RWDD1: variants seen among roughly 807,000 people sequenced by gnomAD.
The protein encoded by RWDD1 is RWD domain-containing protein 1.
RWDD1 carries 17 observed loss-of-function variants against 31.6 expected under a neutral mutation model. The observed-to-expected ratio is 0.54, with a 90% CI of 0.37 to 0.81. The LOEUF (loss-of-function observed/expected upper bound fraction) is 0.81, where lower values mean the gene tolerates loss of function less well. Among genes scored for constraint, RWDD1 ranks in the 30% least tolerant of loss-of-function variants. RWDD1 has a pLI of 0.00. For missense variants in RWDD1, 204 were observed against 274.5 expected (o/e 0.74, Z 1.82); for synonymous variants, 78 against 94.2 (o/e 0.83, Z 0.99).
rs1022087830 is a variant in RWDD1 at position 116,571,504 on chromosome 6, CTCCCGGCGCGGCAGCTG to C, written c.-76_-60del. 2.4e-4 allele frequency: 354 copies of C among 1,466,040 alleles called. No individual in the cohort carries two copies. The highest frequency in any genetic ancestry group is 3.0e-4 in the Non-Finnish European group (327 of 1,087,122). 90.8% of individuals were successfully genotyped at this position (1,466,040 alleles called of 1,614,324 possible). On this transcript the variant is annotated 5_prime_UTR_variant, in exon 1 of 7. Coordinates refer to ENST00000466444, the MANE Select transcript of RWDD1 (RefSeq NM_015952.4). Reference sequence around the variant, plus strand: ...TGCGCCCGCCTGGCCGCCGCCCGCTCTCCCGGCGCGGCAGCTGTCTGGGCTGCTGCGCGCCGCCTAGG... The same window carrying C: ...TGCGCCCGCCTGGCCGCCGCCCGCTCTCTGGGCTGCTGCGCGCCGCCTAGG...
At chr6:116,576,483 C>T (rs1176395019) in intron 1 of RWDD1, among the ~76,000 whole-genome samples, 1 of 152,158 alleles carries the variant, frequency 6.6e-6, no homozygotes, top group Non-Finnish European at 1.5e-5. Flanking sequence ...ATTGAACATG[C>T]GTCTCATGAT....
intron 1 of RWDD1, chr6:116,572,758 T>C (rs768209621): frequency 1.5e-5 from 11 of 719,034 alleles, no homozygotes; most frequent in African/African-American, 1.9e-5. Context: ...ACTTATAAAT[T>C]CCAACCCCTC....
intron 3 of RWDD1, among the ~76,000 whole-genome samples, chr6:116,585,793 T>A (rs975746034): frequency 1.3e-5 from 2 of 152,108 alleles, no homozygotes; most frequent in African/African-American, 4.8e-5. Context: ...CATCTTTTTT[T>A]ATATATTTTT....
rs1339840436 is a variant in RWDD1 at position 116,597,167 on chromosome 6, G to C, written c.*4066G>C. The C allele has an allele frequency of 6.6e-6, 1 of 152,110 alleles. No homozygotes were observed. Among genetic ancestry groups the C allele is most frequent in the African/African-American group, 2.4e-5 (1 of 41,410 alleles). 9.4% of individuals were successfully genotyped at this position (152,110 alleles called of 1,614,324 possible). A position where few individuals can be genotyped will look rare whatever the true frequency, so the allele number is the denominator to read the frequency against. On this transcript the variant is annotated 3_prime_UTR_variant, in exon 7 of 7. Coordinates refer to ENST00000466444, the MANE Select transcript of RWDD1 (RefSeq NM_015952.4). ...AGGAGGTGAGGGGAGGGGAGAGATA[G>C]CAAGTGAGAAAAAGAGAGACTAGTG...
chr6:116,572,429 G>T (rs1187957959), intron 1 of RWDD1: 1 of 152,162 alleles, frequency 6.6e-6, no homozygotes, highest in African/African-American at 2.4e-5. Flanking sequence ...CAGACATATG[G>T]GACTTGGGAT....
chr6:116,588,036 A>G (rs1013978082), intron 3 of RWDD1, among the ~76,000 whole-genome samples: 1 of 152,128 alleles, frequency 6.6e-6, no homozygotes, highest in Admixed American at 6.6e-5. Context: ...GTCAGTTTTA[A>G]TATGGGTTTG....
At chr6:116,591,716 A>T (rs1374338169) in intron 6 of RWDD1, among the ~76,000 whole-genome samples, 1 of 152,248 alleles carries the variant, frequency 6.6e-6, no homozygotes, top group Non-Finnish European at 1.5e-5. Context: ...ACTGGGCTCC[A>T]TACTCAGTCA....
rs1367264107 is a variant in RWDD1, at chr6:116,595,585, G to T, written c.*2484G>T. ...TTTTGTTTTTCTACTCGTGCCAGTT[G>T]TATTAAAATGTCACTAGGTTAAAAA... is the stretch of plus-strand genomic sequence containing the variant. On this transcript the variant is annotated 3_prime_UTR_variant, in exon 7 of 7. Coordinates refer to ENST00000466444, the MANE Select transcript of RWDD1 (RefSeq NM_015952.4). 1 of 152,138 alleles carries T rather than the reference G, an allele frequency of 6.6e-6. No individual in the cohort carries two copies. Among genetic ancestry groups the T allele is most frequent in the African/African-American group, 2.4e-5 (1 of 41,450 alleles). 9.4% of individuals were successfully genotyped at this position (152,138 alleles called of 1,614,324 possible). A position where few individuals can be genotyped will look rare whatever the true frequency, so the allele number is the denominator to read the frequency against.
In RWDD1 at chr6:116,595,337, C is replaced by G. The variant is rs563463285; in HGVS notation, c.*2236C>G. 3.3e-5 allele frequency: 5 copies of G among 152,254 alleles called. No individual in the cohort carries two copies. The highest frequency in any genetic ancestry group is 4.1e-4 in the South Asian group (2 of 4,822). 9.4% of individuals were successfully genotyped at this position (152,254 alleles called of 1,614,324 possible). ...AATCTAATGGTAAAATGAAGACAAC[C>G]TAGTTGTCTTCTAATAACCTAGTTA... is the stretch of plus-strand genomic sequence containing the variant. On this transcript the variant is annotated 3_prime_UTR_variant, in exon 7 of 7. Coordinates refer to ENST00000466444, the MANE Select transcript of RWDD1 (RefSeq NM_015952.4).
At chr6:116,572,064 G>A (rs1415364212) in intron 1 of RWDD1, among the ~76,000 whole-genome samples, 1 of 151,896 alleles carries the variant, frequency 6.6e-6, no homozygotes, top group Non-Finnish European at 1.5e-5. Context: ...TTCATACGAT[G>A]CTGTTTTAGT....
Position 116,597,371 on chromosome 6 carries a change from T to C in RWDD1, c.*4270T>C, listed in dbSNP as rs1374700836. 5 of 152,234 alleles carry C rather than the reference T, an allele frequency of 3.3e-5. No homozygotes were observed. The highest frequency in any genetic ancestry group is 1.9e-4 in the East Asian group (1 of 5,202). 9.4% of individuals were successfully genotyped at this position (152,234 alleles called of 1,614,324 possible). Reference sequence around the variant, plus strand: ...GCTATTTCTACTACATATTTACTTATCATAAAAAATACTTCCTAGACCTTC... The same window carrying C: ...GCTATTTCTACTACATATTTACTTACCATAAAAAATACTTCCTAGACCTTC... On this transcript the variant is annotated 3_prime_UTR_variant, in exon 7 of 7. Transcript: ENST00000466444.
intron 1 of RWDD1, among the ~76,000 whole-genome samples, chr6:116,573,776 T>C (rs894883365): frequency 5.9e-5 from 9 of 152,188 alleles, no homozygotes; most frequent in African/African-American, 2.2e-4. Context: ...CATTTAATTA[T>C]TGAATTTGGT....
intron 2 of RWDD1, among the ~76,000 whole-genome samples, chr6:116,581,950 G>A (rs72965129): frequency 0.03 from 4,605 of 152,002 alleles, 96 homozygotes; most frequent in Middle Eastern, 0.094. Context: ...TAAAGTGGAA[G>A]TATGGTTGTA....
intron 6 of RWDD1, among the ~76,000 whole-genome samples, chr6:116,592,209 T>A (rs1775157744): frequency 6.6e-6 from 1 of 152,076 alleles, no homozygotes; most frequent in Non-Finnish European, 1.5e-5. Flanking sequence ...TCAGGTATTT[T>A]TTCTCAGGAA....
At chr6:116,588,784 A>G (rs1775084333) in intron 3 of RWDD1, 58 bp from the exon 4 acceptor site, 1 of 1,264,844 alleles carries the variant, frequency 7.9e-7, no homozygotes, top group Non-Finnish European at 1.1e-6. Context: ...ATTATTATAA[A>G]TGTATGGACT....
At position 116,580,370 on chromosome 6, in the gene RWDD1, AT is replaced by A; in HGVS notation, c.139+11del. On this transcript the variant is annotated intron_variant, in intron 2 of 6. Transcript: ENST00000466444. ...GGAGAAAATGATGAAAGTAAGTCTT[AT>A]AAAAAATACTTGTGGTTTTTCTAAA... 1 of 1,578,610 alleles carries A rather than the reference AT, an allele frequency of 6.3e-7. No individual in the cohort carries two copies. The highest frequency in any genetic ancestry group is 8.6e-7 in the Non-Finnish European group (1 of 1,156,168).
chr6:116,577,645 C>T (rs570182466), intron 1 of RWDD1, among the ~76,000 whole-genome samples: 1 of 152,034 alleles, frequency 6.6e-6, no homozygotes, highest in East Asian at 1.9e-4. Context: ...TCATCATCAC[C>T]ATTTCCTGCT....
rs368367032 is a variant in RWDD1, at chr6:116,587,762, AAGACC to A, written c.271-1077_271-1073del. Among the ~76,000 whole-genome samples, 495 of 152,116 alleles carry A rather than the reference AAGACC, an allele frequency of 3.3e-3. 12 individuals carry two copies. The highest frequency in any genetic ancestry group is 0.024 in the Admixed American group (366 of 15,260). ...AGGTTTTAAGATCATAGCTTTTAAGAAGACCAGTTAGGAGTTTCTTGTATTCCAAG... is the reference window on the plus strand; with the variant it reads ...AGGTTTTAAGATCATAGCTTTTAAGAAGTTAGGAGTTTCTTGTATTCCAAG... On this transcript the variant is annotated intron_variant, in intron 3 of 6. Transcript: ENST00000466444.
chr6:116,592,905 C>T (rs1775170823), intron 6 of RWDD1, 75 bp from the exon 7 acceptor site: 4 of 1,498,896 alleles, frequency 2.7e-6, no homozygotes, highest in Non-Finnish European at 3.6e-6. Context: ...TTTGGTAGTG[C>T]CAATGAGTTT....
Sources: gnomAD v4.1 joint callset for allele counts (sites outside exome capture counted in the v4.1 genomes callset) on GRCh38, gnomAD v4.1.1 for gene constraint, MANE v1.5 for transcripts, NCBI Gene and HGNC (gene_info 2026-07-23, HGNC 2026-07-21) for gene names.